The following OSBPL10 variants were observed in gnomAD, a reference collection of about 807,000 sequenced individuals.
OSBPL10 encodes oxysterol binding protein like 10.
A neutral mutation model predicts 81.7 loss-of-function variants in OSBPL10; 49 were observed. That is an observed-to-expected ratio of 0.60 (90% confidence interval 0.48 to 0.76). The LOEUF is 0.76. Among genes scored for constraint, OSBPL10 ranks in the 30% least tolerant of loss-of-function variants. The probability of loss-of-function intolerance (pLI) is 0.00; values close to 1 mark genes in which losing one functional copy is unlikely to be tolerated. For synonymous variants in OSBPL10, 419 were observed against 383.6 expected, an observed-to-expected ratio of 1.09 and a Z score of -1.08; for missense variants, 923 against 987.8, an observed-to-expected ratio of 0.93 and a Z score of 0.88.
intron 3 of OSBPL10, among the ~76,000 whole-genome samples, chr3:31,854,514 A>G (rs1419850847): frequency 1.3e-5 from 2 of 152,238 alleles, no homozygotes; most frequent in South Asian, 2.1e-4. Flanking sequence ...CAAAGAATAT[A>G]TACTTTTTAA....
intron 1 of OSBPL10, among the ~76,000 whole-genome samples, chr3:32,052,616 T>A (rs1575093086): frequency 6.6e-6 from 1 of 152,170 alleles, no homozygotes; most frequent in South Asian, 2.1e-4. Context: ...CGGAATACCA[T>A]GCAGCCATAA....
At chr3:31,693,908 T>C (rs1454871406) in intron 7 of OSBPL10, among the ~76,000 whole-genome samples, 1 of 152,072 alleles carries the variant, frequency 6.6e-6, no homozygotes, top group African/African-American at 2.4e-5. Context: ...GCTGGGAACA[T>C]AGGTGTGTGT....
At chr3:31,940,134 C>CA (rs1559525838) in intron 1 of OSBPL10, among the ~76,000 whole-genome samples, 1 of 151,646 alleles carries the variant, frequency 6.6e-6, no homozygotes, top group Non-Finnish European at 1.5e-5. Flanking sequence ...GAAATGTTCA[C>CA]AACAACTTTA....
intron 7 of OSBPL10, among the ~76,000 whole-genome samples, chr3:31,685,440 C>A (rs1273744243): frequency 6.6e-6 from 1 of 152,182 alleles, no homozygotes; most frequent in Non-Finnish European, 1.5e-5. Context: ...TGAGCTCAAG[C>A]AATCCACCCG....
chr3:31,936,790 G>A (rs1408842620), intron 1 of OSBPL10, among the ~76,000 whole-genome samples: 1 of 151,826 alleles, frequency 6.6e-6, no homozygotes, highest in African/African-American at 2.4e-5. Flanking sequence ...ATTCCCCAAA[G>A]GAACCCTATG....
chr3:32,025,754 C>T (rs1309189645), intron 2 of OSBPL10, among the ~76,000 whole-genome samples: 1 of 152,152 alleles, frequency 6.6e-6, no homozygotes, highest in Non-Finnish European at 1.5e-5. Flanking sequence ...TGCTGTCTAA[C>T]AGTTATTCAT....
intron 3 of OSBPL10, among the ~76,000 whole-genome samples, chr3:31,853,673 C>G (rs1447286130): frequency 4.6e-5 from 7 of 152,178 alleles, no homozygotes; most frequent in African/African-American, 7.2e-5. Context: ...ATTATTCACA[C>G]AGTTTTTCTT....
chr3:31,876,250 C>T (rs945605845), intron 3 of OSBPL10, among the ~76,000 whole-genome samples, 183 bp downstream of exon 3: 2 of 152,180 alleles, frequency 1.3e-5, no homozygotes, highest in African/African-American at 4.8e-5. Flanking sequence ...ATTCTACCTA[C>T]AAGAAAATCT....
chr3:31,791,074 C>T (rs1575546388), intron 4 of OSBPL10, among the ~76,000 whole-genome samples: 1 of 104,430 alleles, frequency 9.6e-6, no homozygotes, highest in Middle Eastern at 4.9e-3. Flanking sequence ...GAATCATGAA[C>T]ATAAATGTCA....
At chr3:32,039,360 T>TA (rs36117908) in intron 2 of OSBPL10, among the ~76,000 whole-genome samples, 194 of 145,274 alleles carry the variant, frequency 1.3e-3, no homozygotes, top group Non-Finnish European at 2.4e-3. Context: ...ATTAGTTAAT[T>TA]AAAAAAAAAA....
chr3:31,718,757 T>C (rs890069013), intron 6 of OSBPL10: 46 of 152,224 alleles, frequency 3.0e-4, no homozygotes, highest in African/African-American at 1.0e-3. Flanking sequence ...AACAAACGAA[T>C]TGTTTTTTTC....
chr3:31,860,871 G>GTTT (rs71628582), intron 3 of OSBPL10, among the ~76,000 whole-genome samples: 1 of 136,520 alleles, frequency 7.3e-6, no homozygotes. Flanking sequence ...TTTTTTTTGG[G>GTTT]TTTTTTTTTT....
intron 1 of OSBPL10, among the ~76,000 whole-genome samples, chr3:31,886,833 G>T (rs192424733): frequency 2.6e-5 from 4 of 152,020 alleles, no homozygotes; most frequent in African/African-American, 9.7e-5. Context: ...CCAGCTACTC[G>T]GGAGGCTGAG....
chr3:31,671,017 A>T, intron 8 of OSBPL10, 34 bp from the exon 9 acceptor site: 1 of 1,563,550 alleles, frequency 6.4e-7, no homozygotes, highest in Non-Finnish European at 8.7e-7. Flanking sequence ...TTAGGCATGC[A>T]AACATGTGAA....
intron 4 of OSBPL10, among the ~76,000 whole-genome samples, chr3:31,779,587 T>G (rs776984266): frequency 6.6e-6 from 1 of 151,244 alleles, no homozygotes; most frequent in Non-Finnish European, 1.5e-5. Context: ...AGAAATTAGA[T>G]AGCAATACAA....
chr3:31,997,695 T>A (rs947604416), intron 2 of OSBPL10, among the ~76,000 whole-genome samples: 1 of 152,072 alleles, frequency 6.6e-6, no homozygotes, highest in African/African-American at 2.4e-5. Flanking sequence ...AGCGAACATC[T>A]GGAGATGGGA....
At chr3:31,720,571 C>A (rs984719388) in intron 6 of OSBPL10, among the ~76,000 whole-genome samples, 7 of 152,072 alleles carry the variant, frequency 4.6e-5, no homozygotes, top group Admixed American at 2.0e-4. Context: ...TCTGTGAATG[C>A]CAGCCAACTC....
intron 8 of OSBPL10, among the ~76,000 whole-genome samples, chr3:31,679,095 C>T (rs916458975): frequency 2.6e-5 from 4 of 152,262 alleles, no homozygotes; most frequent in Admixed American, 6.5e-5. Flanking sequence ...GACACAGTGG[C>T]CCCTGGCTGT....
chr3:31,770,181 T>C (rs1175205425), intron 4 of OSBPL10, among the ~76,000 whole-genome samples: 1 of 152,162 alleles, frequency 6.6e-6, no homozygotes, highest in African/African-American at 2.4e-5. Context: ...CATTTTCCCA[T>C]TTCTGTCCTG....
Sources: allele counts gnomAD v4.1 joint callset (sites outside exome capture counted in the v4.1 genomes callset), GRCh38; gene constraint gnomAD v4.1.1; transcripts MANE v1.5; gene names NCBI Gene and HGNC (gene_info 2026-07-23, HGNC 2026-07-21).